The following ESRRG variants were observed in gnomAD, a reference collection of about 807,000 sequenced individuals.
ESRRG encodes the protein estrogen-related receptor gamma.
Under a neutral mutation model 44.0 loss-of-function variants are expected in ESRRG, and 13 were observed. The ratio of observed to expected loss-of-function variants is 0.30; its 90% confidence interval spans 0.19 to 0.47. The LOEUF (loss-of-function observed/expected upper bound fraction) is 0.47. Ranked by LOEUF, ESRRG falls within the 20% of genes least tolerant of loss-of-function variation. The pLI is 1.00. For missense variants in ESRRG, 395 were observed against 580.6 expected, an observed-to-expected ratio of 0.68 and a Z score of 3.29; for synonymous variants, 215 against 214.6, an observed-to-expected ratio of 1.00 and a Z score of -0.02.
At chr1:217,064,251 T>A (rs1051775521) in intron 1 of ESRRG, among the ~76,000 whole-genome samples, 1 of 152,084 alleles carries the variant, frequency 6.6e-6, no homozygotes. Flanking sequence ...TATGTGTATA[T>A]ATACATATAT....
At chr1:216,977,341 TACACACAC>T (rs1553749984) in intron 1 of ESRRG, among the ~76,000 whole-genome samples, 4 of 143,998 alleles carry the variant, frequency 2.8e-5, no homozygotes, top group Non-Finnish European at 6.0e-5. Flanking sequence ...GGAGGATACA[TACACACAC>T]ACACACACAC....
upstream of ESRRG, among the ~76,000 whole-genome samples, chr1:216,726,165 C>T (rs375710483): frequency 6.6e-6 from 1 of 152,158 alleles, no homozygotes; most frequent in East Asian, 1.9e-4. Context: ...ATTTCATCTA[C>T]GCAAGGTGCA....
At chr1:217,030,025 C>T (rs1302634297) in intron 1 of ESRRG, among the ~76,000 whole-genome samples, 1 of 152,190 alleles carries the variant, frequency 6.6e-6, no homozygotes, top group Non-Finnish European at 1.5e-5. Flanking sequence ...GGTATCCTCA[C>T]TAGCACACTG....
intron 2 of ESRRG, among the ~76,000 whole-genome samples, chr1:216,930,079 C>T (rs1479857276): frequency 6.6e-6 from 1 of 152,166 alleles, no homozygotes; most frequent in Non-Finnish European, 1.5e-5. Context: ...GACATTCTGC[C>T]AAGTTTAATA....
At chr1:217,077,379 A>G (rs887924909) in intron 1 of ESRRG, among the ~76,000 whole-genome samples, 10 of 152,324 alleles carry the variant, frequency 6.6e-5, no homozygotes, top group African/African-American at 2.2e-4. Flanking sequence ...ATGAAAGTGG[A>G]CAAGCCGAGA....
chr1:216,552,101 T>C (rs2056501546), intron 5 of ESRRG, among the ~76,000 whole-genome samples: 1 of 152,148 alleles, frequency 6.6e-6, no homozygotes, highest in Non-Finnish European at 1.5e-5. Context: ...TTGTTTATAC[T>C]TTGTGATATC....
At chr1:216,958,736 G>A (rs2068450195) in intron 1 of ESRRG, among the ~76,000 whole-genome samples, 1 of 152,012 alleles carries the variant, frequency 6.6e-6, no homozygotes, top group Admixed American at 6.6e-5. Flanking sequence ...ACGATCTGCC[G>A]CTCGGGTAAC....
At chr1:216,545,245 TA>T (rs2054149720) in intron 5 of ESRRG, among the ~76,000 whole-genome samples, 1 of 150,556 alleles carries the variant, frequency 6.6e-6, no homozygotes, top group South Asian at 2.1e-4. Flanking sequence ...TTTTTTTTTT[TA>T]AAGACAGGAT....
At chr1:216,842,331 G>A (rs148995158) in intron 2 of ESRRG, among the ~76,000 whole-genome samples, 10 of 152,214 alleles carry the variant, frequency 6.6e-5, no homozygotes, top group East Asian at 5.8e-4. Flanking sequence ...AGGGAGGTCC[G>A]ATGCAGGTCC....
chr1:216,666,663 G>A (rs1231540119), intron 2 of ESRRG, among the ~76,000 whole-genome samples: 1 of 152,198 alleles, frequency 6.6e-6, no homozygotes, highest in East Asian at 1.9e-4. Flanking sequence ...TAGAGATTAT[G>A]GATGGCATGT....
At chr1:217,137,493 C>A (rs563234827) in intron 1 of ESRRG, among the ~76,000 whole-genome samples, 117 of 152,332 alleles carry the variant, frequency 7.7e-4, no homozygotes, top group African/African-American at 2.7e-3. Flanking sequence ...GCCTGGGGCT[C>A]GAGAGCTGAC....
chr1:216,619,253 G>A (rs1476907521), intron 3 of ESRRG, among the ~76,000 whole-genome samples: 1 of 152,182 alleles, frequency 6.6e-6, no homozygotes. Context: ...GAACATTAAT[G>A]ATTCCTATAA....
At chr1:216,952,867 A>G (rs1056878044) in intron 1 of ESRRG, among the ~76,000 whole-genome samples, 2 of 152,124 alleles carry the variant, frequency 1.3e-5, no homozygotes, top group East Asian at 1.9e-4. Context: ...ACCAAGAGTC[A>G]TCAATTTTCT....
chr1:216,908,368 G>C (rs1034433778), intron 2 of ESRRG, among the ~76,000 whole-genome samples: 9 of 152,176 alleles, frequency 5.9e-5, no homozygotes, highest in Non-Finnish European at 1.5e-5. Flanking sequence ...GTACCCAAAG[G>C]AGAAATTGCC....
intron 1 of ESRRG, among the ~76,000 whole-genome samples, chr1:217,087,742 T>C (rs1416516703): frequency 6.6e-6 from 1 of 152,236 alleles, no homozygotes; most frequent in Non-Finnish European, 1.5e-5. Flanking sequence ...TTCTACTTAA[T>C]GCGAGTTTAA....
At chr1:216,943,798 C>G (rs765600067) in intron 1 of ESRRG, among the ~76,000 whole-genome samples, 1 of 152,104 alleles carries the variant, frequency 6.6e-6, no homozygotes, top group Non-Finnish European at 1.5e-5. Context: ...AGATCCCCTA[C>G]CATACGTTAT....
At chr1:216,906,846 T>A (rs551744388) in intron 2 of ESRRG, among the ~76,000 whole-genome samples, 1 of 152,196 alleles carries the variant, frequency 6.6e-6, no homozygotes, top group Non-Finnish European at 1.5e-5. Flanking sequence ...TTTTTGTACA[T>A]TTAGAGATAA....
chr1:216,634,119 C>T (rs989687886), intron 3 of ESRRG, among the ~76,000 whole-genome samples: 1 of 152,170 alleles, frequency 6.6e-6, no homozygotes, highest in Admixed American at 6.5e-5. Context: ...CTATACTGAT[C>T]ATTCCTTTTC....
At position 216,772,313 on chromosome 1, in the gene ESRRG, T is replaced by C. The variant is rs1166887002; in HGVS notation, c.-13-94822A>G. 2.0e-5 allele frequency among the ~76,000 whole-genome samples: 3 copies of C among 152,146 alleles called. No homozygotes were observed. In the East Asian group the frequency reaches 5.8e-4, roughly 29 times the overall value. ...CAGTCCTAAAACGGTGGATCTATGATGCTGAGCTCCCAAAAGAACTCTGCT... is the reference window on the plus strand; with the variant it reads ...CAGTCCTAAAACGGTGGATCTATGACGCTGAGCTCCCAAAAGAACTCTGCT... On this transcript the variant is annotated intron_variant, in intron 2 of 7. Coordinates refer to the ESRRG transcript ENST00000359162.
Sources: allele counts gnomAD v4.1 joint callset (sites outside exome capture counted in the v4.1 genomes callset), GRCh38; gene constraint gnomAD v4.1.1; transcripts MANE v1.5; gene names NCBI Gene and HGNC (gene_info 2026-07-23, HGNC 2026-07-21).